The following BEND2 variants were observed in gnomAD, a reference collection of about 807,000 sequenced individuals.
BEND2 encodes the protein BEN domain containing 2.
Under a neutral mutation model 43.8 loss-of-function variants are expected in BEND2, and 19 were observed. The ratio of observed to expected loss-of-function variants is 0.43; its 90% confidence interval spans 0.30 to 0.64. The LOEUF is 0.64. BEND2 is among the 30% of genes least tolerant of loss of function. The pLI is 0.11. For synonymous variants in BEND2, 226 were observed against 210.1 expected (o/e 1.08, Z -0.66); for missense variants, 544 against 574.0 (o/e 0.95, Z 0.53).
At chrX:18,176,368 CAAA>C (rs57898259) in intron 10 of BEND2, among the ~76,000 whole-genome samples, 1 of 58,281 alleles carries the variant, frequency 1.7e-5, no homozygotes, top group Admixed American at 2.4e-4. Context: ...TCTTGGTGCT[CAAA>C]AAAAAAAAAA....
intron 4 of BEND2, among the ~76,000 whole-genome samples, chrX:18,210,290 T>C (rs150919475): frequency 0.022 from 2,503 of 111,863 alleles, 65 homozygotes; most frequent in African/African-American, 0.075. Flanking sequence ...CTGGTATACA[T>C]TCATTAATGA....
intron 7 of BEND2, among the ~76,000 whole-genome samples, chrX:18,194,598 G>A (rs1447951152): frequency 9.0e-6 from 1 of 111,473 alleles, no homozygotes; most frequent in Non-Finnish European, 1.9e-5. Flanking sequence ...CCCACCAGAC[G>A]TCCTTCAGCA....
At chrX:18,188,739 A>T (rs758158127) in intron 8 of BEND2, among the ~76,000 whole-genome samples, 1 of 111,976 alleles carries the variant, frequency 8.9e-6, no homozygotes, top group South Asian at 3.8e-4. Flanking sequence ...ATTCCCAAAA[A>T]TAGAGGAGGA....
intron 4 of BEND2, among the ~76,000 whole-genome samples, chrX:18,210,687 T>C (rs1925475859): frequency 8.9e-6 from 1 of 112,333 alleles, no homozygotes; most frequent in Admixed American, 9.5e-5. Context: ...ACAGTGACAC[T>C]CTGTGGACAA....
rs1046572327 is a variant in BEND2 at position 18,209,503 on chromosome X, C to T, written c.492+3062G>A. On this transcript the variant is annotated intron_variant, in intron 4 of 13. Coordinates refer to ENST00000380033, the MANE Select transcript of BEND2 (RefSeq NM_153346.5). ...AACCAAGTGATCAATGTTAACATCA[C>T]CAATAAAAAAAATATCAACACCACC... Among the ~76,000 whole-genome samples, 8 of 111,358 alleles carry T rather than the reference C, an allele frequency of 7.2e-5. 1 individual carries two copies. The highest frequency in any genetic ancestry group is 2.6e-4 in the African/African-American group (8 of 30,614).
intron 7 of BEND2, among the ~76,000 whole-genome samples, chrX:18,194,082 G>A (rs779625133): frequency 3.1e-4 from 35 of 111,722 alleles, no homozygotes; most frequent in Admixed American, 3.1e-3. Context: ...TACTATAAGA[G>A]AAGAAATCTT....
chrX:18,218,766 C>A (rs1208036166), intron 1 of BEND2, among the ~76,000 whole-genome samples: 1 of 111,484 alleles, frequency 9.0e-6, no homozygotes, highest in Non-Finnish European at 1.9e-5. Flanking sequence ...AGGCTGAGGC[C>A]GGAGAATCGC....
chrX:18,172,550 C>T (rs1311401204), intron 12 of BEND2, among the ~76,000 whole-genome samples: 3 of 110,138 alleles, frequency 2.7e-5, no homozygotes, highest in South Asian at 3.9e-4. Context: ...AAAAATTAGC[C>T]GGGCATGGTG....
intron 9 of BEND2, among the ~76,000 whole-genome samples, chrX:18,178,584 T>C (rs932849579): frequency 8.9e-6 from 1 of 111,844 alleles, no homozygotes; most frequent in Non-Finnish European, 1.9e-5. Flanking sequence ...TAACATTATA[T>C]TTTGAGCATT....
chrX:18,176,043 CT>C lies in BEND2; in HGVS notation c.1680del (p.Asp561ThrfsTer12). 1 of 1,203,469 alleles carries C rather than the reference CT, an allele frequency of 8.3e-7. No homozygotes were observed. The highest frequency in any genetic ancestry group is 1.7e-5 in the African/African-American group (1 of 57,437). ...FPTCDLHEHG[K>X]DWQDCISGIN... ...ATACCAGAAATACAGTCCTGCCAGT[CT>C]TTTCCATGTTCATGCAAATCACAGG... On this transcript the variant is annotated frameshift_variant, in exon 11 of 14. Coordinates refer to ENST00000380033, the MANE Select transcript of BEND2 (RefSeq NM_153346.5). LOFTEE classifies it high-confidence loss of function.
chrX:18,169,157 AAAT>A (rs952975438), intron 13 of BEND2, among the ~76,000 whole-genome samples: 4 of 108,338 alleles, frequency 3.7e-5, no homozygotes, highest in Non-Finnish European at 7.6e-5. Context: ...AAAAAAGAAA[AAAT>A]AAAATAAAAT....
chrX:18,171,149 C>A lies in BEND2; in HGVS notation c.2037G>T (p.Leu679Phe). The change falls in exon 13 of 14, where the codon TTG becomes TTT. Residue 679 changes from leucine (L) to phenylalanine (F), a missense_variant. Physicochemically the swap from Leu to Phe is conservative, Grantham distance 22 (BLOSUM62 0). This residue lies in a region of BEND2 where 501 missense variants were observed against 501.6 expected (regional missense o/e 1.00). Transcript: ENST00000380033. ...GGCTTGCGCAAGACTTAGTTTTTGCCAAAGTCAGTACTGAACATGGCATCC... is the reference window on the plus strand; with the variant it reads ...GGCTTGCGCAAGACTTAGTTTTTGCAAAAGTCAGTACTGAACATGGCATCC... ...NIRMPCSVLT[L>F]AKTKSCASLS... The A allele has an allele frequency of 1.7e-6, 2 of 1,209,042 alleles. No homozygotes were observed. The highest frequency in any genetic ancestry group is 2.2e-6 in the Non-Finnish European group (2 of 892,990).
chrX:18,220,668 A>C, intron 1 of BEND2, 58 bp downstream of exon 1: 1 of 1,202,597 alleles, frequency 8.3e-7, no homozygotes, highest in Non-Finnish European at 1.1e-6. Context: ...TGCCATCCAG[A>C]CTCTTGACAG....
rs1185691606 is a variant in BEND2, at chrX:18,165,171, G to C, written c.2238C>G (p.Asp746Glu). 3 of 1,208,091 alleles carry C rather than the reference G, an allele frequency of 2.5e-6. No homozygotes were observed. The highest frequency in any genetic ancestry group is 3.4e-6 in the Non-Finnish European group (3 of 894,859). The change falls in exon 14 of 14, where the codon GAC (aspartate) becomes GAG (glutamate). Residue 746 changes from aspartate (D) to glutamate (E), a missense_variant. By Grantham distance (45) the Asp-to-Glu change is conservative (BLOSUM62 2). Coordinates refer to ENST00000380033, the MANE Select transcript of BEND2 (RefSeq NM_153346.5). ...TGATGGAGGTCACACACGACTTCCA[G>C]TCTCTTCCATTTTCCGAGAGATCAC... ...PICDLSENGR[D>E]WKSCVTSINS...
intron 8 of BEND2, among the ~76,000 whole-genome samples, chrX:18,187,282 A>T (rs1482207852): frequency 1.8e-5 from 2 of 112,007 alleles, no homozygotes; most frequent in Non-Finnish European, 3.8e-5. Flanking sequence ...TACGCTGAAA[A>T]TAAAGGGATG....
chrX:18,193,693 T>A (rs1055808536), intron 7 of BEND2, among the ~76,000 whole-genome samples: 1 of 112,019 alleles, frequency 8.9e-6, no homozygotes, highest in East Asian at 2.8e-4. Context: ...CCACTAGTTT[T>A]ACATTAAGGA....
intron 10 of BEND2, among the ~76,000 whole-genome samples, chrX:18,176,602 C>T (rs942824778): frequency 1.2e-4 from 13 of 108,965 alleles, no homozygotes; most frequent in Non-Finnish European, 2.5e-4. Flanking sequence ...TTGCTTGAGC[C>T]CAGGAGTTCG....
intron 1 of BEND2, among the ~76,000 whole-genome samples, chrX:18,219,960 C>CA (rs1158294197): frequency 9.0e-6 from 1 of 111,374 alleles, no homozygotes; most frequent in Non-Finnish European, 1.9e-5. Context: ...AAAACAACAA[C>CA]AAAAAACCTC....
chrX:18,173,815 G>A (rs960100166), intron 12 of BEND2, among the ~76,000 whole-genome samples: 5 of 111,726 alleles, frequency 4.5e-5, no homozygotes, highest in South Asian at 3.8e-4. Flanking sequence ...GCCACTTTCC[G>A]TAGGAAAAAT....
Sources: allele counts gnomAD v4.1 joint callset (sites outside exome capture counted in the v4.1 genomes callset), GRCh38; gene constraint gnomAD v4.1.1; regional missense constraint gnomAD v4.1.1; transcripts MANE v1.5; gene names NCBI Gene and HGNC (gene_info 2026-07-23, HGNC 2026-07-21).